The following FRMD4A variants were observed in gnomAD, a reference collection of about 807,000 sequenced individuals.
The protein encoded by FRMD4A is FERM domain-containing protein 4A.
Under a neutral mutation model 129.1 loss-of-function variants are expected in FRMD4A, and 29 were observed. The ratio of observed to expected loss-of-function variants is 0.22; its 90% CI spans 0.17 to 0.31. The LOEUF (loss-of-function observed/expected upper bound fraction) is 0.31, where lower values mean the gene tolerates loss of function less well. Ranked by LOEUF, FRMD4A falls within the 10% of genes least tolerant of loss-of-function variation. FRMD4A has a pLI of 1.00. For synonymous variants in FRMD4A, 634 were observed against 571.6 expected (o/e 1.11, Z -1.56); for missense variants, 1,272 against 1,375.8 (o/e 0.92, Z 1.19).
In FRMD4A at chr10:14,086,769, T is replaced by C. The variant is rs138554949; in HGVS notation, c.46-227857A>G. ...AGAATGATGAGTGATCACCATAACA[T>C]AAACAGACACCACTGAGCGGACTCA... On this transcript the variant is annotated intron_variant, in intron 2 of 24. Coordinates refer to ENST00000357447, the MANE Select transcript of FRMD4A (RefSeq NM_018027.5). 4.2e-4 allele frequency among the ~76,000 whole-genome samples: 64 copies of C among 152,318 alleles called. 1 individual carries two copies. The highest frequency in any genetic ancestry group is 3.9e-3 in the Admixed American group (60 of 15,300).
At chr10:13,834,055 G>C (rs1241245464) in intron 3 of FRMD4A, among the ~76,000 whole-genome samples, 1 of 152,140 alleles carries the variant, frequency 6.6e-6, no homozygotes, top group African/African-American at 2.4e-5. Flanking sequence ...CCTGAGATCA[G>C]GAGTACAAAA....
chr10:13,864,577 CT>C (rs60899227), intron 2 of FRMD4A, among the ~76,000 whole-genome samples: 3,137 of 136,900 alleles, frequency 0.023, 57 homozygotes, highest in Admixed American at 0.061. Flanking sequence ...TTCTTTCTTT[CT>C]TTTTTTTTTT....
At chr10:13,920,374 C>T (rs901645567) in intron 2 of FRMD4A, among the ~76,000 whole-genome samples, 17 of 152,198 alleles carry the variant, frequency 1.1e-4, no homozygotes, top group Admixed American at 1.0e-3. Flanking sequence ...AACTGAATGC[C>T]TTTAAGGTGT....
intron 2 of FRMD4A, among the ~76,000 whole-genome samples, chr10:14,059,703 C>T (rs1244557804): frequency 1.3e-5 from 2 of 152,192 alleles, no homozygotes; most frequent in African/African-American, 2.4e-5. Context: ...CATTCCTCTG[C>T]CTGTTCAGTT....
intron 8 of FRMD4A, among the ~76,000 whole-genome samples, chr10:13,758,455 C>G (rs1286438115): frequency 3.3e-5 from 5 of 152,160 alleles, no homozygotes; most frequent in Non-Finnish European, 7.3e-5. Flanking sequence ...TTAAATAAAA[C>G]TGAGGTTATA....
chr10:13,684,177 G>C (rs866625117), intron 15 of FRMD4A: 2 of 238,140 alleles, frequency 8.4e-6, no homozygotes, highest in Non-Finnish European at 1.4e-5. Context: ...TGTTTTTGGC[G>C]ACCTTATGAG....
chr10:13,864,859 G>A (rs2094344693), intron 2 of FRMD4A, among the ~76,000 whole-genome samples: 2 of 152,146 alleles, frequency 1.3e-5, no homozygotes, highest in African/African-American at 2.4e-5. Context: ...TTACAGGTGT[G>A]AGCCACCGCA....
chr10:13,946,445 C>G (rs753379674), intron 2 of FRMD4A, among the ~76,000 whole-genome samples: 1 of 152,188 alleles, frequency 6.6e-6, no homozygotes, highest in African/African-American at 2.4e-5. Flanking sequence ...CCTATGTCAT[C>G]GTCACTTGTT....
intron 15 of FRMD4A, among the ~76,000 whole-genome samples, chr10:13,690,750 G>T (rs1362255930): frequency 1.3e-5 from 2 of 152,206 alleles, no homozygotes; most frequent in African/African-American, 4.8e-5. Context: ...GGCCCCAGCT[G>T]CTACTACTAA....
At chr10:14,050,709 T>C (rs1179080013) in intron 2 of FRMD4A, among the ~76,000 whole-genome samples, 1 of 152,114 alleles carries the variant, frequency 6.6e-6, no homozygotes, top group Non-Finnish European at 1.5e-5. Context: ...ACCACGCCTA[T>C]GTAATGAAAC....
At chr10:14,003,455 T>G (rs530690776) in intron 2 of FRMD4A, 3 of 152,168 alleles carry the variant, frequency 2.0e-5, no homozygotes, top group African/African-American at 7.2e-5. Context: ...GTGTGGATAT[T>G]AGAGATGATA....
intron 13 of FRMD4A, among the ~76,000 whole-genome samples, chr10:13,702,758 C>T (rs1186941332): frequency 6.6e-6 from 1 of 151,882 alleles, no homozygotes; most frequent in African/African-American, 2.4e-5. Flanking sequence ...AACAAAGCTG[C>T]CAGCAATATC....
intron 21 of FRMD4A, among the ~76,000 whole-genome samples, chr10:13,658,639 G>C (rs2082378192): frequency 6.6e-6 from 1 of 152,208 alleles, no homozygotes; most frequent in African/African-American, 2.4e-5. Context: ...CCAGCACTTT[G>C]GGAGGCCAAG....
intron 2 of FRMD4A, among the ~76,000 whole-genome samples, chr10:14,223,562 G>C (rs897296156): frequency 1.3e-5 from 2 of 152,032 alleles, no homozygotes; most frequent in African/African-American, 4.8e-5. Flanking sequence ...ACAACATAGG[G>C]AAACCCTGTC....
intron 2 of FRMD4A, among the ~76,000 whole-genome samples, chr10:14,022,475 T>G (rs1832802594): frequency 6.6e-6 from 1 of 152,248 alleles, no homozygotes; most frequent in Non-Finnish European, 1.5e-5. Flanking sequence ...TCTAGCTGCC[T>G]GAATTTGTTG....
intron 17 of FRMD4A, chr10:13,667,931 T>G (rs1418923350): frequency 6.6e-6 from 1 of 152,182 alleles, no homozygotes; most frequent in Non-Finnish European, 1.5e-5. Context: ...ACGCTGAAAT[T>G]TGATGGGAAC....
chr10:13,684,320 C>T (rs141826729), intron 15 of FRMD4A: 35 of 984,992 alleles, frequency 3.6e-5, no homozygotes, highest in South Asian at 1.4e-4. Context: ...GAGTTACTCA[C>T]GCCAAGTCAG....
At chr10:13,910,704 T>G (rs561220585) in intron 2 of FRMD4A, among the ~76,000 whole-genome samples, 1 of 152,156 alleles carries the variant, frequency 6.6e-6, no homozygotes, top group Non-Finnish European at 1.5e-5. Context: ...ATAAAGATTT[T>G]TTTTCCACAA....
chr10:13,695,910 T>A (rs948059862), intron 14 of FRMD4A, among the ~76,000 whole-genome samples: 2 of 152,364 alleles, frequency 1.3e-5, no homozygotes, highest in Admixed American at 1.3e-4. Context: ...GCCCTCGACG[T>A]TGCTGTCCAC....
Sources: gnomAD v4.1 joint callset for allele counts (sites outside exome capture counted in the v4.1 genomes callset) on GRCh38, gnomAD v4.1.1 for gene constraint, MANE v1.5 for transcripts, NCBI Gene and HGNC (gene_info 2026-07-23, HGNC 2026-07-21) for gene names.